The following LRP1B variants were observed in gnomAD, a reference collection of about 807,000 sequenced individuals.
LRP1B encodes low-density lipoprotein receptor-related protein 1B.
LRP1B carries 217 observed loss-of-function variants against 556.6 expected under a neutral mutation model. That is an observed-to-expected ratio of 0.39 (90% CI 0.35 to 0.44). LRP1B has a LOEUF of 0.44. Ranked by LOEUF, LRP1B falls within the 20% of genes least tolerant of loss-of-function variation. LRP1B has a pLI of 1.00. For synonymous variants in LRP1B, 2,047 were observed against 1,865.8 expected, an observed-to-expected ratio of 1.10 and a Z score of -2.50; for missense variants, 5,053 against 5,620.8, an observed-to-expected ratio of 0.90 and a Z score of 3.23.
At chr2:140,380,974 C>T (rs1683446011) in intron 67 of LRP1B, among the ~76,000 whole-genome samples, 1 of 152,144 alleles carries the variant, frequency 6.6e-6, no homozygotes, top group Non-Finnish European at 1.5e-5. Context: ...GGAAATTCTG[C>T]ATGTTTCTAT....
chr2:141,957,712 C>T (rs542825460), intron 1 of LRP1B, among the ~76,000 whole-genome samples: 1 of 151,948 alleles, frequency 6.6e-6, no homozygotes, highest in East Asian at 2.0e-4. Context: ...TGGAATTAAT[C>T]GACAACATGG....
chr2:140,562,121 A>G (rs1414998407), intron 43 of LRP1B, among the ~76,000 whole-genome samples: 1 of 152,092 alleles, frequency 6.6e-6, no homozygotes, highest in South Asian at 2.1e-4. Flanking sequence ...CTACAAGCTA[A>G]CACAATACCT....
At chr2:140,762,011 C>T (rs1296228697) in intron 35 of LRP1B, among the ~76,000 whole-genome samples, 1 of 151,434 alleles carries the variant, frequency 6.6e-6, no homozygotes, top group Non-Finnish European at 1.5e-5. Context: ...ATGATGCCTT[C>T]CCTAACTATC....
chr2:140,658,092 T>A (rs1684956161), intron 41 of LRP1B, among the ~76,000 whole-genome samples: 1 of 152,144 alleles, frequency 6.6e-6, no homozygotes, highest in African/African-American at 2.4e-5. Context: ...AATTTAGTTT[T>A]TTATACTTAA....
At chr2:140,884,261 T>G (rs1693565078) in intron 24 of LRP1B, among the ~76,000 whole-genome samples, 1 of 152,088 alleles carries the variant, frequency 6.6e-6, no homozygotes, top group Admixed American at 6.6e-5. Flanking sequence ...TGGAATAAAG[T>G]TTTTAAGCAG....
intron 23 of LRP1B, among the ~76,000 whole-genome samples, chr2:140,886,767 C>T (rs373133892): frequency 6.6e-6 from 1 of 151,936 alleles, no homozygotes; most frequent in Non-Finnish European, 1.5e-5. Context: ...AACTATCCAA[C>T]AACAAAGAAA....
At chr2:141,630,549 C>A (rs1041289952) in intron 2 of LRP1B, among the ~76,000 whole-genome samples, 2 of 152,130 alleles carry the variant, frequency 1.3e-5, no homozygotes, top group Non-Finnish European at 2.9e-5. Context: ...CCAGGCTGAT[C>A]AAATAGAATA....
At chr2:141,785,487 C>T (rs529811752) in intron 2 of LRP1B, among the ~76,000 whole-genome samples, 9 of 151,874 alleles carry the variant, frequency 5.9e-5, no homozygotes, top group African/African-American at 1.9e-4. Context: ...TTAGGTGACT[C>T]TTTTCCATGT....
intron 4 of LRP1B, among the ~76,000 whole-genome samples, chr2:141,248,779 T>C (rs1684159689): frequency 1.3e-5 from 2 of 152,128 alleles, no homozygotes; most frequent in South Asian, 4.1e-4. Context: ...AAAACACTCA[T>C]ATGAAATAAA....
chr2:140,813,892 A>AG, intron 31 of LRP1B, 86 bp from the exon 32 acceptor site: 1 of 911,012 alleles, frequency 1.1e-6, no homozygotes, highest in Non-Finnish European at 1.7e-6. Flanking sequence ...GAGGGGAAAA[A>AG]AATAAGTTGA....
intron 2 of LRP1B, among the ~76,000 whole-genome samples, chr2:141,609,206 A>G (rs1688021430): frequency 6.6e-6 from 1 of 152,194 alleles, no homozygotes; most frequent in South Asian, 2.1e-4. Flanking sequence ...ATATGGCCAA[A>G]TTCAAGTTAC....
chr2:141,074,767 G>T (rs1166926273), intron 7 of LRP1B, among the ~76,000 whole-genome samples: 1 of 151,682 alleles, frequency 6.6e-6, no homozygotes, highest in South Asian at 2.1e-4. Flanking sequence ...GGCCATTCTG[G>T]CATAGAAAAA....
At chr2:141,931,511 T>C (rs1700504351) in intron 1 of LRP1B, among the ~76,000 whole-genome samples, 1 of 152,048 alleles carries the variant, frequency 6.6e-6, no homozygotes, top group African/African-American at 2.4e-5. Context: ...GCATCATCAA[T>C]TCCATGTGGT....
chr2:140,501,931 A>G (rs1156525381), intron 54 of LRP1B, 57 bp from the exon 55 acceptor site: 2 of 1,234,196 alleles, frequency 1.6e-6, no homozygotes, highest in Non-Finnish European at 2.2e-6. Flanking sequence ...TTTATACTAC[A>G]GTTGTTGAAA....
In LRP1B at chr2:141,412,623, T is replaced by G. The variant is rs372541052; in HGVS notation, c.343+67773A>C. 5.9e-5 allele frequency among the ~76,000 whole-genome samples: 9 copies of G among 152,192 alleles called. No homozygotes were observed. The East Asian group carries it at 9.6e-4, about 16-fold the overall frequency. ...TTTCTACTTGTACTTTTGTGTAATT[T>G]TTTTAAGTACACTTTTTATAACGTA... On this transcript the variant is annotated intron_variant, in intron 3 of 90. Transcript: ENST00000389484.
chr2:141,522,118 C>T (rs977259750), intron 2 of LRP1B, among the ~76,000 whole-genome samples: 2 of 152,126 alleles, frequency 1.3e-5, no homozygotes, highest in African/African-American at 4.8e-5. Context: ...GTAGCATCAC[C>T]TAGGAACTTG....
intron 23 of LRP1B, among the ~76,000 whole-genome samples, chr2:140,901,959 G>A (rs1423973259): frequency 6.6e-6 from 1 of 152,000 alleles, no homozygotes; most frequent in African/African-American, 2.4e-5. Context: ...AATTAGTAGC[G>A]GGTTTCCAAG....
chr2:141,225,688 T>G lies in LRP1B; in HGVS notation c.850+3495A>C, dbSNP rs539065120. Among the ~76,000 whole-genome samples, 176 of 152,254 alleles carry G rather than the reference T, an allele frequency of 1.2e-3. 1 individual carries two copies. The highest frequency in any genetic ancestry group is 3.8e-3 in the African/African-American group (157 of 41,556). On this transcript the variant is annotated intron_variant, in intron 6 of 90. Transcript: ENST00000389484. ...TTATCGTTATAAAAAAGAATAAAATTCAGTAAGAAATTTAATGTCTATCAT... is the reference window on the plus strand; with the variant it reads ...TTATCGTTATAAAAAAGAATAAAATGCAGTAAGAAATTTAATGTCTATCAT...
intron 1 of LRP1B, among the ~76,000 whole-genome samples, chr2:142,015,250 C>G (rs1029172058): frequency 3.9e-5 from 6 of 152,082 alleles, no homozygotes; most frequent in Non-Finnish European, 7.4e-5. Context: ...TTTGACAAAC[C>G]TGACAAAAAT....
Sources: gnomAD v4.1 joint callset for allele counts (sites outside exome capture counted in the v4.1 genomes callset) on GRCh38, gnomAD v4.1.1 for gene constraint, MANE v1.5 for transcripts, NCBI Gene and HGNC (gene_info 2026-07-23, HGNC 2026-07-21) for gene names.